IQCM: variants seen among roughly 807,000 people sequenced by gnomAD.
IQCM encodes the protein IQ motif containing M, also known as IQ domain-containing protein M.
IQCM carries 45 observed loss-of-function variants against 57.6 expected under a neutral mutation model. The ratio of observed to expected loss-of-function variants is 0.78; its 90% CI spans 0.62 to 1.00. The LOEUF is 1.00. Among genes scored for constraint, IQCM ranks in the 50% least tolerant of loss-of-function variants. IQCM has a pLI of 0.00. For synonymous variants in IQCM, 148 were observed against 158.9 expected (o/e 0.93, Z 0.51); for missense variants, 468 against 511.6 (o/e 0.91, Z 0.82).
intron 7 of IQCM, among the ~76,000 whole-genome samples, chr4:149,639,280 GCTGCACATGGTGGCACGCAGCTGT>G (rs1349071483): frequency 6.6e-6 from 1 of 151,912 alleles, no homozygotes; most frequent in East Asian, 1.9e-4. Flanking sequence ...TTAAAAATTA[GCTGCACATGGTGGCACGCAGCTGT>G]GGTCCCATCT....
At chr4:149,606,574 G>T (rs540843169) in intron 8 of IQCM, among the ~76,000 whole-genome samples, 4 of 152,276 alleles carry the variant, frequency 2.6e-5, no homozygotes, top group African/African-American at 2.4e-5. Context: ...TAAGGCACCA[G>T]TGATCAATCC....
intron 2 of IQCM, among the ~76,000 whole-genome samples, chr4:149,783,954 G>T (rs567753964): frequency 6.6e-6 from 1 of 152,278 alleles, no homozygotes; most frequent in South Asian, 2.1e-4. Context: ...TTCATCCTCA[G>T]TCAAGCCTCC....
At position 149,530,629 on chromosome 4, in the gene IQCM, T is replaced by G. The variant is rs149034084; in HGVS notation, c.1228+17826A>C. Among the ~76,000 whole-genome samples the G allele has an allele frequency of 3.6e-3, 548 of 152,330 alleles. 1 individual carries two copies. The highest frequency in any genetic ancestry group is 0.013 in the African/African-American group (529 of 41,578). ...ATCTATTTAGTTTCTCTTCATGTTG[T>G]ACTTTACCACTGATAGTTACCACTA... On this transcript the variant is annotated intron_variant, in intron 12 of 13. Transcript: ENST00000636793.
intron 2 of IQCM, among the ~76,000 whole-genome samples, chr4:149,809,366 C>T (rs564133495): frequency 6.6e-6 from 1 of 152,174 alleles, no homozygotes; most frequent in African/African-American, 2.4e-5. Flanking sequence ...ACAAATACTT[C>T]CCAAAAATGG....
At chr4:149,484,325 A>C (rs1364407299) in intron 12 of IQCM, among the ~76,000 whole-genome samples, 2 of 151,716 alleles carry the variant, frequency 1.3e-5, no homozygotes, top group Non-Finnish European at 2.9e-5. Flanking sequence ...ATAAGTAGGG[A>C]CTTATTCCTG....
intron 13 of IQCM, among the ~76,000 whole-genome samples, chr4:149,422,812 A>T (rs1212675996): frequency 6.6e-6 from 1 of 152,066 alleles, no homozygotes; most frequent in East Asian, 1.9e-4. Context: ...AGTTGGCATA[A>T]TATCCCACTC....
At chr4:149,428,748 T>TA (rs1228824860) in intron 13 of IQCM, among the ~76,000 whole-genome samples, 1 of 151,786 alleles carries the variant, frequency 6.6e-6, no homozygotes, top group Non-Finnish European at 1.5e-5. Flanking sequence ...CTGAATTGCG[T>TA]AAAAAATACC....
At chr4:149,552,409 T>C (rs188460437) in intron 11 of IQCM, among the ~76,000 whole-genome samples, 64 of 152,296 alleles carry the variant, frequency 4.2e-4, no homozygotes, top group Non-Finnish European at 8.2e-4. Context: ...TTGTGTCATT[T>C]TTTTAGTCAA....
intron 2 of IQCM, chr4:149,790,086 C>A: frequency 3.1e-6 from 2 of 644,866 alleles, no homozygotes; most frequent in Non-Finnish European, 4.9e-6. Context: ...TCATCTGCAG[C>A]ATCCTCACCA....
intron 2 of IQCM, among the ~76,000 whole-genome samples, chr4:149,802,052 G>T (rs1052118593): frequency 6.6e-6 from 1 of 151,454 alleles, no homozygotes; most frequent in Non-Finnish European, 1.5e-5. Flanking sequence ...TAAAAGAATA[G>T]AAATATAAAA....
intron 10 of IQCM, among the ~76,000 whole-genome samples, chr4:149,561,815 C>T (rs1045542807): frequency 2.6e-5 from 4 of 152,068 alleles, no homozygotes; most frequent in Non-Finnish European, 4.4e-5. Context: ...CCATATCAAA[C>T]ATGTAAACAG....
chr4:149,431,508 G>A (rs948589003), intron 13 of IQCM, among the ~76,000 whole-genome samples: 1 of 151,898 alleles, frequency 6.6e-6, no homozygotes, highest in Admixed American at 6.6e-5. Flanking sequence ...TTTACTTATA[G>A]TAAAGTTCAT....
intron 13 of IQCM, among the ~76,000 whole-genome samples, chr4:149,386,504 T>G (rs1731436965): frequency 6.6e-6 from 1 of 152,064 alleles, no homozygotes. Context: ...GGTATACTTT[T>G]AAAAAGTGCA....
chr4:149,469,993 C>A (rs1227036359), intron 12 of IQCM, among the ~76,000 whole-genome samples: 13 of 152,180 alleles, frequency 8.5e-5, no homozygotes, highest in Non-Finnish European at 1.9e-4. Context: ...TGGAAAGGAA[C>A]AACCAGTACC....
intron 12 of IQCM, among the ~76,000 whole-genome samples, chr4:149,474,553 CAAA>C (rs35089303): frequency 1.3e-4 from 17 of 126,720 alleles, no homozygotes; most frequent in Admixed American, 1.6e-4. Context: ...ACTAAAAATA[CAAA>C]AAAAAAAAAA....
chr4:149,645,005 C>A (rs1758516959), intron 7 of IQCM, among the ~76,000 whole-genome samples: 1 of 152,138 alleles, frequency 6.6e-6, no homozygotes, highest in East Asian at 1.9e-4. Flanking sequence ...ATAGACTGGA[C>A]TCTCCTAGAT....
At chr4:149,657,321 T>C (rs559899309) in intron 7 of IQCM, among the ~76,000 whole-genome samples, 10 of 152,316 alleles carry the variant, frequency 6.6e-5, no homozygotes, top group African/African-American at 2.4e-4. Context: ...TTGAGTTTCA[T>C]TCATATTGTC....
intron 12 of IQCM, among the ~76,000 whole-genome samples, chr4:149,499,406 GA>G (rs543275601): frequency 6.6e-6 from 1 of 151,684 alleles, no homozygotes; most frequent in Non-Finnish European, 1.5e-5. Context: ...AAAATATTAG[GA>G]AAAAAATAAT....
At chr4:149,541,305 A>G (rs1448963412) in intron 12 of IQCM, among the ~76,000 whole-genome samples, 2 of 152,158 alleles carry the variant, frequency 1.3e-5, no homozygotes, top group Non-Finnish European at 2.9e-5. Context: ...TCAGATGCAT[A>G]GGATATTTCA....
Sources: gnomAD v4.1 joint callset for allele counts (sites outside exome capture counted in the v4.1 genomes callset) on GRCh38, gnomAD v4.1.1 for gene constraint, MANE v1.5 for transcripts, NCBI Gene and HGNC (gene_info 2026-07-23, HGNC 2026-07-21) for gene names.